Variants in CCDC171 observed in about 807,000 individuals in gnomAD.
CCDC171 encodes coiled-coil domain-containing protein 171.
Under a neutral mutation model 168.2 loss-of-function variants are expected in CCDC171, and 177 were observed. The ratio of observed to expected loss-of-function variants is 1.05; its 90% CI spans 0.93 to 1.19. CCDC171 has a LOEUF of 1.19. CCDC171 is among the 50% of genes most tolerant of loss of function. The pLI is 0.00. For synonymous variants in CCDC171, 687 were observed against 540.8 expected, an observed-to-expected ratio of 1.27 and a Z score of -3.75; for missense variants, 1,991 against 1,539.0, an observed-to-expected ratio of 1.29 and a Z score of -4.91.
At chr9:15,735,203 G>A (rs1221173059) in intron 16 of CCDC171, among the ~76,000 whole-genome samples, 1 of 152,156 alleles carries the variant, frequency 6.6e-6, no homozygotes, top group African/African-American at 2.4e-5. Context: ...CATGTCTTTA[G>A]CACTGGGTAA....
chr9:15,672,703 G>C lies in CCDC171; in HGVS notation c.1077-6055G>C, dbSNP rs1350668641. ...TCTGAGGCCTCTGTTCTGTTCCATT[G>C]GTCTATATATCTGTTTTGGTACCAG... On this transcript the variant is annotated intron_variant, in intron 9 of 25. Coordinates refer to ENST00000380701, the MANE Select transcript of CCDC171 (RefSeq NM_173550.4). Among the ~76,000 whole-genome samples, 5 of 152,200 alleles carry C rather than the reference G, an allele frequency of 3.3e-5. No individual in the cohort carries two copies. The East Asian group carries it at 9.6e-4, about 29-fold the overall frequency.
intron 21 of CCDC171, among the ~76,000 whole-genome samples, chr9:15,827,193 T>C (rs2060048292): frequency 6.6e-6 from 1 of 152,216 alleles, no homozygotes; most frequent in Admixed American, 6.5e-5. Flanking sequence ...TAGTTTGTTT[T>C]ATGAAATAAA....
chr9:15,795,772 T>C (rs527427494), intron 21 of CCDC171, among the ~76,000 whole-genome samples: 1 of 152,346 alleles, frequency 6.6e-6, no homozygotes, highest in African/African-American at 2.4e-5. Flanking sequence ...TGACATCTAC[T>C]CAGGACTGTG....
chr9:15,735,318 C>T (rs982360403), intron 16 of CCDC171, among the ~76,000 whole-genome samples: 2 of 152,144 alleles, frequency 1.3e-5, no homozygotes, highest in African/African-American at 4.8e-5. Context: ...GGGCCCAGTG[C>T]CACATACCAT....
At chr9:15,799,810 G>A (rs989343295) in intron 21 of CCDC171, among the ~76,000 whole-genome samples, 3 of 151,594 alleles carry the variant, frequency 2.0e-5, no homozygotes, top group African/African-American at 7.3e-5. Flanking sequence ...TCCTTCTACT[G>A]TCTATCTCCA....
At chr9:15,677,981 C>G (rs1194768323) in intron 9 of CCDC171, among the ~76,000 whole-genome samples, 1 of 137,140 alleles carries the variant, frequency 7.3e-6, no homozygotes. Context: ...ACAATCATAG[C>G]TCACTGCAAC....
At chr9:16,044,947 A>T (rs1833635544) in intron 1 of CCDC171, among the ~76,000 whole-genome samples, 1 of 152,178 alleles carries the variant, frequency 6.6e-6, no homozygotes, top group Admixed American at 6.5e-5. Context: ...GCTGAGATTG[A>T]TTCTGCCCAA....
intron 11 of CCDC171, among the ~76,000 whole-genome samples, chr9:15,704,048 A>T (rs1375405004): frequency 6.6e-6 from 1 of 152,238 alleles, no homozygotes; most frequent in Non-Finnish European, 1.5e-5. Context: ...TGATGCCAAT[A>T]GACTTGCTCA....
At chr9:15,617,660 G>A (rs2044187935) in intron 6 of CCDC171, among the ~76,000 whole-genome samples, 1 of 152,172 alleles carries the variant, frequency 6.6e-6, no homozygotes, top group African/African-American at 2.4e-5. Context: ...ACAGGCGTGA[G>A]CCACCACGCC....
At chr9:15,824,518 C>A (rs898077535) in intron 21 of CCDC171, among the ~76,000 whole-genome samples, 1 of 151,910 alleles carries the variant, frequency 6.6e-6, no homozygotes, top group Non-Finnish European at 1.5e-5. Flanking sequence ...CAGGTGTTGG[C>A]AAGTACTTTG....
At chr9:15,665,738 A>T (rs2048689925) in intron 8 of CCDC171, among the ~76,000 whole-genome samples, 1 of 152,232 alleles carries the variant, frequency 6.6e-6, no homozygotes. Flanking sequence ...CTATGATCAC[A>T]CTACTGCACT....
intron 7 of CCDC171, among the ~76,000 whole-genome samples, chr9:15,625,482 T>C (rs2044990073): frequency 6.6e-6 from 1 of 152,220 alleles, no homozygotes; most frequent in Admixed American, 6.5e-5. Flanking sequence ...CCATCTTGAA[T>C]TAATTTTTGT....
intron 2 of CCDC171, among the ~76,000 whole-genome samples, chr9:15,566,864 A>G (rs559929965): frequency 3.3e-5 from 5 of 152,216 alleles, no homozygotes; most frequent in African/African-American, 1.2e-4. Context: ...AAGGGTCTAA[A>G]TTTGTCTCTT....
the CCDC171 span, among the ~76,000 whole-genome samples, chr9:16,067,337 A>T: frequency 6.6e-6 from 1 of 151,652 alleles, no homozygotes; most frequent in Non-Finnish European, 1.5e-5. Flanking sequence ...AATTTGTTTG[A>T]GTTCATTGTA....
chr9:15,874,216 T>C (rs1043141686), intron 23 of CCDC171, among the ~76,000 whole-genome samples: 7 of 152,156 alleles, frequency 4.6e-5, no homozygotes, highest in African/African-American at 1.7e-4. Flanking sequence ...ATTTTGTGAA[T>C]GTTTTTTCTT....
intron 24 of CCDC171, among the ~76,000 whole-genome samples, chr9:15,904,205 A>G (rs1484972214): frequency 6.6e-6 from 1 of 152,096 alleles, no homozygotes; most frequent in Non-Finnish European, 1.5e-5. Context: ...GAGAAGAGCA[A>G]CTCCAAGACA....
At chr9:16,057,131 T>C (rs1391885519) in intron 1 of CCDC171, among the ~76,000 whole-genome samples, 2 of 152,232 alleles carry the variant, frequency 1.3e-5, no homozygotes, top group East Asian at 1.9e-4. Flanking sequence ...CATCCTTTTA[T>C]ATATATGTCT....
chr9:15,579,837 T>G (rs2040973086), intron 4 of CCDC171, among the ~76,000 whole-genome samples: 1 of 152,218 alleles, frequency 6.6e-6, no homozygotes, highest in South Asian at 2.1e-4. Flanking sequence ...GTGTAAACAT[T>G]CCACACTTAT....
At chr9:15,898,806 T>G (rs1821251756) in intron 24 of CCDC171, among the ~76,000 whole-genome samples, 1 of 152,096 alleles carries the variant, frequency 6.6e-6, no homozygotes, top group African/African-American at 2.4e-5. Context: ...TTACATCAGT[T>G]TAGGAAAATG....
Sources: gnomAD v4.1 joint callset for allele counts (sites outside exome capture counted in the v4.1 genomes callset) on GRCh38, gnomAD v4.1.1 for gene constraint, MANE v1.5 for transcripts, NCBI Gene and HGNC (gene_info 2026-07-23, HGNC 2026-07-21) for gene names.